PRPSAP1: variants seen among roughly 807,000 people sequenced by gnomAD.
The protein encoded by PRPSAP1 is phosphoribosyl pyrophosphate synthase-associated protein 1.
Under a neutral mutation model 39.4 loss-of-function variants are expected in PRPSAP1, and 31 were observed. That is an observed-to-expected ratio of 0.79 (90% CI 0.59 to 1.06). The LOEUF is 1.06. Ranked by LOEUF, PRPSAP1 falls within the 50% of genes least tolerant of loss-of-function variation. The pLI is 0.00. For synonymous variants in PRPSAP1, 212 were observed against 192.6 expected (o/e 1.10, Z -0.83); for missense variants, 430 against 511.6 (o/e 0.84, Z 1.54).
At chr17:76,329,723 G>A (rs2071299019) in intron 6 of PRPSAP1, among the ~76,000 whole-genome samples, 1 of 146,656 alleles carries the variant, frequency 6.8e-6, no homozygotes, top group African/African-American at 2.6e-5. Context: ...GTGACAGAAT[G>A]AAACTCCATT....
chr17:76,352,889 G>A (rs1307614831), intron 1 of PRPSAP1, among the ~76,000 whole-genome samples: 1 of 152,104 alleles, frequency 6.6e-6, no homozygotes, highest in Non-Finnish European at 1.5e-5. Flanking sequence ...TCTCAGAGCT[G>A]TCAGACCCCA....
rs766724072 is a variant in PRPSAP1, at chr17:76,312,887, C to A, written c.982G>T (p.Glu328Ter). The A allele has an allele frequency of 6.2e-7, 1 of 1,613,720 alleles. No individual in the cohort carries two copies. The change falls in exon 9 of 10, where the codon GAG becomes TAG. Residue 328 changes from glutamate (E) to a stop codon, truncating the protein, a stop_gained. Transcript: ENST00000446526. LOFTEE classifies it high-confidence loss of function. ...LSAEAPRLIE[E>*]SSVDEVVVTN... ...AGCCTGACCTCGTCTACGGAGGACTCCTCAATCAGGCGAGGGGCCTCTGCA... is the reference window on the plus strand; with the variant it reads ...AGCCTGACCTCGTCTACGGAGGACTACTCAATCAGGCGAGGGGCCTCTGCA...
chr17:76,338,284 T>C (rs774937067), intron 3 of PRPSAP1, among the ~76,000 whole-genome samples: 4 of 152,234 alleles, frequency 2.6e-5, no homozygotes, highest in Admixed American at 6.5e-5. Flanking sequence ...CTAAGCTTAT[T>C]TTAATGTCTA....
At position 76,311,442 on chromosome 17, in the gene PRPSAP1, C is replaced by T; in HGVS notation, c.*100G>A. The T allele has an allele frequency of 7.6e-7, 1 of 1,324,022 alleles. No homozygotes were observed. Among genetic ancestry groups the T allele is most frequent in the Non-Finnish European group, 1.0e-6 (1 of 977,936 alleles). 82.0% of individuals were successfully genotyped at this position (1,324,022 alleles called of 1,614,324 possible). A position where few individuals can be genotyped will look rare whatever the true frequency, so the allele number is the denominator to read the frequency against. On this transcript the variant is annotated 3_prime_UTR_variant, in exon 10 of 10. Coordinates refer to ENST00000446526, the MANE Select transcript of PRPSAP1 (RefSeq NM_002766.3). ...GCAAAAGAAGATATCTAACTCCAGG[C>T]TGTTTCGAGTCCTCCCTTGCAAGGA... is the stretch of plus-strand genomic sequence containing the variant.
intron 9 of PRPSAP1, among the ~76,000 whole-genome samples, chr17:76,312,621 G>A (rs184105875): frequency 7.9e-5 from 12 of 152,112 alleles, no homozygotes; most frequent in East Asian, 5.8e-4. Flanking sequence ...GTAATTTATC[G>A]AATACTATAC....
chr17:76,318,438 ACT>A (rs2143460739), intron 7 of PRPSAP1, among the ~76,000 whole-genome samples: 1 of 152,216 alleles, frequency 6.6e-6, no homozygotes, highest in East Asian at 1.9e-4. Context: ...TGACAGCAAG[ACT>A]CTATCTGAAA....
chr17:76,324,151 A>AAG (rs1791830761), intron 7 of PRPSAP1, among the ~76,000 whole-genome samples: 1 of 151,694 alleles, frequency 6.6e-6, no homozygotes, highest in African/African-American at 2.4e-5. Context: ...AAAAAAAAAA[A>AAG]AAAAGAAAGT....
In PRPSAP1 at chr17:76,325,480, GAA is replaced by G. The variant is rs376413876; in HGVS notation, c.781+3235_781+3236del. On this transcript the variant is annotated intron_variant, in intron 7 of 9. Coordinates refer to ENST00000446526, the MANE Select transcript of PRPSAP1 (RefSeq NM_002766.3). ...GACCCCATCTCTTAAAAAAAAGAAA[GAA>G]AAGAAATTTCCACAGCCCATCCCAA... 1.2e-3 allele frequency among the ~76,000 whole-genome samples: 149 copies of G among 119,900 alleles called. 1 individual carries two copies. The highest frequency in any genetic ancestry group is 9.1e-3 in the Middle Eastern group (2 of 220). The allele number at this position is 119,900 out of a possible 152,430, so 78.7% of individuals were successfully genotyped here.
intron 7 of PRPSAP1, among the ~76,000 whole-genome samples, chr17:76,327,451 G>A (rs2071266523): frequency 6.6e-6 from 1 of 152,000 alleles, no homozygotes; most frequent in African/African-American, 2.4e-5. Flanking sequence ...TCAAGAGATC[G>A]AGACCATCCT....
chr17:76,350,547 T>C (rs1212139974), intron 1 of PRPSAP1, among the ~76,000 whole-genome samples: 2 of 152,160 alleles, frequency 1.3e-5, no homozygotes, highest in Non-Finnish European at 1.5e-5. Flanking sequence ...TGATTCTATT[T>C]GTATGAAGTC....
Position 76,348,453 on chromosome 17 carries a change from A to G in PRPSAP1, c.223+76T>C. 4 of 965,784 alleles carry G rather than the reference A, an allele frequency of 4.1e-6. 1 individual carries two copies. The highest frequency in any genetic ancestry group is 5.5e-6 in the Non-Finnish European group (4 of 722,808). The allele number at this position is 965,784 out of a possible 1,614,324, so 59.8% of individuals were successfully genotyped here. A position where few individuals can be genotyped will look rare whatever the true frequency, so the allele number is the denominator to read the frequency against. On this transcript the variant is annotated intron_variant, in intron 2 of 9. Transcript: ENST00000446526. ...ATGCCACTGCACTCCAGCCTGGGCG[A>G]CAGAGTGAGGCTCTGTCTCAAAAAA...
intron 7 of PRPSAP1, among the ~76,000 whole-genome samples, chr17:76,323,005 C>G (rs1278024473): frequency 6.6e-6 from 1 of 151,598 alleles, no homozygotes; most frequent in Non-Finnish European, 1.5e-5. Flanking sequence ...TGTACTCCAG[C>G]CTGGACAGCA....
At chr17:76,324,819 T>TG (rs1476627949) in intron 7 of PRPSAP1, among the ~76,000 whole-genome samples, 2 of 151,146 alleles carry the variant, frequency 1.3e-5, no homozygotes, top group African/African-American at 4.9e-5. Context: ...CCCAGCACTT[T>TG]GGGAGGCCAA....
chr17:76,344,674 G>A lies in PRPSAP1; in HGVS notation c.287C>T (p.Pro96Leu), dbSNP rs1305679852. ...GQDIFIIQTI[P>L]RDVNTAVMEL... ...ATAAAGTAGTCAGTCCTCTTACCTG[G>A]GTATTGTCTGTATAATGAAAATATC... The change falls in exon 3 of 10, where the codon CCC (proline) becomes CTC (leucine). Residue 96 changes from proline (P) to leucine (L), a missense_variant. By Grantham distance (98) the Pro-to-Leu change is moderately conservative (BLOSUM62 -3). This residue lies in a region of PRPSAP1 where 152 missense variants were observed against 135.2 expected (regional missense o/e 1.12). Coordinates refer to ENST00000446526, the MANE Select transcript of PRPSAP1 (RefSeq NM_002766.3). 6.4e-7 allele frequency: 1 copy of A among 1,562,542 alleles called. No homozygotes were observed. Among genetic ancestry groups the A allele is most frequent in the Non-Finnish European group, 8.7e-7 (1 of 1,144,640 alleles).
intron 7 of PRPSAP1, among the ~76,000 whole-genome samples, chr17:76,320,323 A>C (rs117881910): frequency 4.0e-5 from 1 of 24,804 alleles, no homozygotes; most frequent in Non-Finnish European, 7.9e-5. Context: ...GAGGAAGGGA[A>C]GAAGGGAGGG....
At chr17:76,347,484 C>CAA (rs71161289) in intron 2 of PRPSAP1, among the ~76,000 whole-genome samples, 715 of 25,208 alleles carry the variant, frequency 0.028, 68 homozygotes, top group African/African-American at 0.05. Context: ...AAGACTCCGT[C>CAA]AAAAAAAAAA....
chr17:76,344,089 G>C (rs902752125), intron 3 of PRPSAP1, among the ~76,000 whole-genome samples: 2 of 149,110 alleles, frequency 1.3e-5, no homozygotes, highest in Non-Finnish European at 3.0e-5. Flanking sequence ...GACTACAGGC[G>C]CATGCCACCA....
chr17:76,330,796 C>A, intron 4 of PRPSAP1, 130 bp from the exon 5 acceptor site: 1 of 548,288 alleles, frequency 1.8e-6, no homozygotes, highest in Non-Finnish European at 3.2e-6. Context: ...TTAAGCACTG[C>A]AGTCACAGGC....
intron 7 of PRPSAP1, among the ~76,000 whole-genome samples, chr17:76,327,578 G>A (rs1048638571): frequency 1.3e-5 from 2 of 150,212 alleles, no homozygotes; most frequent in Non-Finnish European, 3.0e-5. Flanking sequence ...GCTTGAACCC[G>A]GGAGGAAGAG....
Sources: gnomAD v4.1 joint callset for allele counts (sites outside exome capture counted in the v4.1 genomes callset) on GRCh38, gnomAD v4.1.1 for gene constraint, gnomAD v4.1.1 regional missense constraint, MANE v1.5 for transcripts, NCBI Gene and HGNC (gene_info 2026-07-23, HGNC 2026-07-21) for gene names.